PECR: variants seen among roughly 807,000 people sequenced by gnomAD.
PECR encodes the protein 2,4-dienoyl-CoA reductase-related protein.
PECR carries 30 observed loss-of-function variants against 35.3 expected under a neutral mutation model. The observed-to-expected ratio is 0.85, with a 90% CI of 0.64 to 1.15. The LOEUF (loss-of-function observed/expected upper bound fraction) is 1.15, where lower values mean the gene tolerates loss of function less well. Among genes scored for constraint, PECR ranks in the 50% most tolerant of loss-of-function variants. The pLI is 0.00. For missense variants in PECR, 392 were observed against 370.8 expected (o/e 1.06, Z -0.47); for synonymous variants, 148 against 138.9 (o/e 1.07, Z -0.46).
At chr2:216,055,948 C>T (rs1040863405) in intron 4 of PECR, among the ~76,000 whole-genome samples, 2 of 152,154 alleles carry the variant, frequency 1.3e-5, no homozygotes, top group African/African-American at 2.4e-5. Flanking sequence ...CTTCCTTTCT[C>T]CTCCTCATAT....
intron 1 of PECR, among the ~76,000 whole-genome samples, chr2:216,075,321 C>G (rs748747662): frequency 3.9e-5 from 6 of 151,908 alleles, no homozygotes; most frequent in Non-Finnish European, 8.8e-5. Context: ...GAAAAAAAAC[C>G]ATTACAGAGC....
At chr2:216,077,229 G>T (rs1264077208) in intron 1 of PECR, among the ~76,000 whole-genome samples, 1 of 151,992 alleles carries the variant, frequency 6.6e-6, no homozygotes, top group East Asian at 1.9e-4. Context: ...ATATTTGCCG[G>T]GGTGCCGAGG....
chr2:216,051,306 AAAT>A, intron 5 of PECR, 140 bp downstream of exon 5: 3 of 635,900 alleles, frequency 4.7e-6, no homozygotes, highest in Admixed American at 2.8e-5. Flanking sequence ...AAAAAAAAGA[AAAT>A]TAGGCTTTCC....
chr2:216,066,796 C>T (rs1695475481), intron 1 of PECR, among the ~76,000 whole-genome samples: 1 of 152,100 alleles, frequency 6.6e-6, no homozygotes, highest in Non-Finnish European at 1.5e-5. Context: ...TAAAGCAATC[C>T]TCCCACCTGG....
intron 1 of PECR, among the ~76,000 whole-genome samples, chr2:216,077,407 T>A (rs1311459970): frequency 6.6e-6 from 1 of 151,972 alleles, no homozygotes; most frequent in Non-Finnish European, 1.5e-5. Flanking sequence ...CTAGGGAGGC[T>A]GAGGCAGGAG....
chr2:216,061,120 C>A, intron 3 of PECR, among the ~76,000 whole-genome samples: 1 of 126,256 alleles, frequency 7.9e-6, no homozygotes, highest in Non-Finnish European at 1.6e-5. Flanking sequence ...GGGGAGACCC[C>A]GGCTCTACCA....
chr2:216,058,794 G>A, intron 4 of PECR, 101 bp downstream of exon 4: 1 of 735,692 alleles, frequency 1.4e-6, no homozygotes, highest in Admixed American at 2.1e-5. Flanking sequence ...CTCATTAAAG[G>A]TATTAATGAT....
downstream of PECR, chr2:216,033,976 G>A (rs559542060): frequency 3.3e-5 from 5 of 152,176 alleles, no homozygotes; most frequent in Admixed American, 3.3e-4. Context: ...CCTGAATATG[G>A]TTTAGAATCT....
At position 216,051,460 on chromosome 2, in the gene PECR, A is replaced by C. The variant is rs1695113535; in HGVS notation, c.592T>G (p.Cys198Gly). The change falls in exon 5 of 8, where the codon TGT (cysteine) becomes GGT (glycine). Residue 198 changes from cysteine (C) to glycine (G), a missense_variant. By Grantham distance (159) the Cys-to-Gly change is radical. Coordinates refer to ENST00000265322, the MANE Select transcript of PECR (RefSeq NM_018441.6). The stretch of plus-strand genomic sequence containing the variant: ...GATCGTTTACCTACAGGGGCAACAC[A>C]ATTGATCCGTATTCCACTGCAGGCC... The part of the protein sequence containing the change: ...EWACSGIRIN[C>G]VAPGVIYSQT... 2 of 1,600,586 alleles carry C rather than the reference A, an allele frequency of 1.2e-6. No individual in the cohort carries two copies. The highest frequency in any genetic ancestry group is 1.7e-6 in the Non-Finnish European group (2 of 1,167,730).
Position 216,031,606 on chromosome 2 carries a change from A to C in PECR, c.*440+7585T>G, listed in dbSNP as rs1240975983. Among the ~76,000 whole-genome samples, 13 of 150,566 alleles carry C rather than the reference A, an allele frequency of 8.6e-5. 1 individual carries two copies. The highest frequency in any genetic ancestry group is 2.9e-4 in the African/African-American group (12 of 41,034). ...AAGAAGGAAAGAAAAGAAGGAAAGA[A>C]GGAAGAAAAGAAAGAAAGGAACAAG... On this transcript the variant is annotated intron_variant and NMD_transcript_variant, in intron 7 of 7. Transcript: ENST00000442122.
chr2:216,042,930 T>C (rs1694912725), intron 7 of PECR, among the ~76,000 whole-genome samples: 1 of 147,578 alleles, frequency 6.8e-6, no homozygotes, highest in South Asian at 2.1e-4. Context: ...CTAACTGTTA[T>C]ATATATACAT....
At chr2:216,070,480 T>G (rs1261254355) in intron 1 of PECR, among the ~76,000 whole-genome samples, 1 of 152,252 alleles carries the variant, frequency 6.6e-6, no homozygotes, top group Non-Finnish European at 1.5e-5. Flanking sequence ...ATTATTTTTT[T>G]CATGTCCCTC....
At chr2:216,055,390 T>C (rs1574689331) in intron 4 of PECR, among the ~76,000 whole-genome samples, 1 of 149,412 alleles carries the variant, frequency 6.7e-6, no homozygotes. Context: ...TGAGCTGCGA[T>C]AGTGCCATTG....
intron 3 of PECR, among the ~76,000 whole-genome samples, chr2:216,064,589 A>T (rs1216615795): frequency 6.6e-6 from 1 of 152,208 alleles, no homozygotes; most frequent in East Asian, 1.9e-4. Context: ...TTATGTGAGA[A>T]AAATAAACTC....
In PECR at chr2:216,049,392, C is replaced by G. The variant is rs1267678143; in HGVS notation, c.604-19G>C. The stretch of plus-strand genomic sequence containing the variant: ...TAACTCCCTGTGTTTAAAAATAAAA[C>G]AGGGACAAAATAAAGTGTATTATAT... On this transcript the variant is annotated intron_variant, in intron 5 of 7. Transcript: ENST00000265322. 4 of 1,033,214 alleles carry G rather than the reference C, an allele frequency of 3.9e-6. No individual in the cohort carries two copies. Among genetic ancestry groups the G allele is most frequent in the Non-Finnish European group, 6.1e-6 (4 of 650,736 alleles). The allele number at this position is 1,033,214 out of a possible 1,614,324, so 64.0% of individuals were successfully genotyped here.
intron 7 of PECR, among the ~76,000 whole-genome samples, chr2:216,041,340 C>T (rs1327814398): frequency 1.3e-5 from 2 of 152,126 alleles, no homozygotes; most frequent in Admixed American, 1.3e-4. Context: ...TCTCTCCACC[C>T]TCACTACTTG....
chr2:216,050,456 T>C (rs1695087214), intron 5 of PECR, among the ~76,000 whole-genome samples: 1 of 152,210 alleles, frequency 6.6e-6, no homozygotes, highest in South Asian at 2.1e-4. Context: ...AATTTGATCA[T>C]TTAACCAAAA....
At chr2:216,058,116 G>A (rs926630130) in intron 4 of PECR, among the ~76,000 whole-genome samples, 1 of 152,122 alleles carries the variant, frequency 6.6e-6, no homozygotes, top group Non-Finnish European at 1.5e-5. Flanking sequence ...CAGGTACCAG[G>A]ATCCCCTCCA....
intron 1 of PECR, among the ~76,000 whole-genome samples, chr2:216,079,182 A>AT (rs1156631976): frequency 0.022 from 3,000 of 137,562 alleles, 108 homozygotes; most frequent in African/African-American, 0.072. Flanking sequence ...AAAAACATAG[A>AT]TTTTTTTTTT....
Sources: allele counts gnomAD v4.1 joint callset (sites outside exome capture counted in the v4.1 genomes callset), GRCh38; gene constraint gnomAD v4.1.1; transcripts MANE v1.5; gene names NCBI Gene and HGNC (gene_info 2026-07-23, HGNC 2026-07-21).